Variants in ZBTB38 observed in about 807,000 individuals in gnomAD.
The protein encoded by ZBTB38 is zinc finger and BTB domain-containing protein 38.
A neutral mutation model predicts 76.8 loss-of-function variants in ZBTB38; 20 were observed. The observed-to-expected ratio is 0.26, with a 90% CI of 0.18 to 0.38. ZBTB38 has a LOEUF of 0.38. Among genes scored for constraint, ZBTB38 ranks in the 10% least tolerant of loss-of-function variants. The pLI is 1.00. For synonymous variants in ZBTB38, 504 were observed against 544.2 expected, an observed-to-expected ratio of 0.93 and a Z score of 1.03; for missense variants, 1,082 against 1,482.3, an observed-to-expected ratio of 0.73 and a Z score of 4.43.
rs1577597174 is a variant in ZBTB38, at chr3:141,448,785, A to G, written c.*2809A>G. The G allele has an allele frequency of 6.6e-6, 1 of 152,142 alleles. No individual in the cohort carries two copies. Among genetic ancestry groups the G allele is most frequent in the Non-Finnish European group, 1.5e-5 (1 of 68,006 alleles). 9.4% of individuals were successfully genotyped at this position (152,142 alleles called of 1,614,324 possible). ...GTGAGTCACAGCTTTGTTTCCACGT[A>G]TTATTCAGTTTATTTCTGTTTCCTT... On this transcript the variant is annotated 3_prime_UTR_variant, in exon 6 of 6. Coordinates refer to ENST00000321464, the MANE Select transcript of ZBTB38 (RefSeq NM_001376113.1).
chr3:141,438,085 G>A (rs140195250), intron 5 of ZBTB38, among the ~76,000 whole-genome samples: 61 of 151,344 alleles, frequency 4.0e-4, no homozygotes, highest in East Asian at 2.9e-3. Flanking sequence ...CTGATTGAAC[G>A]CATGTCTTTC....
At position 141,444,462 on chromosome 3, in the gene ZBTB38, C is replaced by T. The variant is rs2080816982; in HGVS notation, c.2074C>T (p.Pro692Ser). 6.2e-7 allele frequency: 1 copy of T among 1,613,956 alleles called. No individual in the cohort carries two copies. Among genetic ancestry groups the T allele is most frequent in the Non-Finnish European group, 8.5e-7 (1 of 1,180,034 alleles). ...TTCTGACCTCCGGGCAGGGGATGTA[C>T]CTGTTTTATCTTTGAGTAATAGCAG... ...VSSDLRAGDV[P>S]VLSLSNSSEN... Residue 692 changes from proline (P) to serine (S), a missense_variant, in exon 6 of 6, where the codon CCT becomes TCT. Pro to Ser is a moderately conservative substitution (Grantham distance 74, BLOSUM62 -1). Coordinates refer to ENST00000321464, the MANE Select transcript of ZBTB38 (RefSeq NM_001376113.1). The surrounding 1 kb of genome is among the most constrained non-coding windows in gnomAD (Gnocchi z 5.1).
intron 4 of ZBTB38, among the ~76,000 whole-genome samples, chr3:141,400,875 G>C (rs1951714226): frequency 6.6e-6 from 1 of 152,210 alleles, no homozygotes; most frequent in Non-Finnish European, 1.5e-5. Context: ...ACAAAGCTGG[G>C]CTTTAAACCC....
At chr3:141,416,959 G>A (rs1367292937) in intron 5 of ZBTB38, among the ~76,000 whole-genome samples, 1 of 152,184 alleles carries the variant, frequency 6.6e-6, no homozygotes, top group Non-Finnish European at 1.5e-5. Context: ...AATTTCTGTT[G>A]TTTTAAGTCA....
chr3:141,336,081 T>C (rs1487230489), intron 1 of ZBTB38, among the ~76,000 whole-genome samples: 1 of 152,176 alleles, frequency 6.6e-6, no homozygotes, highest in Non-Finnish European at 1.5e-5. Flanking sequence ...AGCAGACTAC[T>C]AGCAGACTGA....
At chr3:141,395,214 G>T (rs1374451005) in intron 4 of ZBTB38, among the ~76,000 whole-genome samples, 2 of 152,188 alleles carry the variant, frequency 1.3e-5, no homozygotes, top group Non-Finnish European at 2.9e-5. Flanking sequence ...AGGTAGCTTA[G>T]GCAGGAACAA....
intron 1 of ZBTB38, among the ~76,000 whole-genome samples, chr3:141,344,613 A>T (rs1317153131): frequency 1.3e-5 from 2 of 152,072 alleles, no homozygotes; most frequent in African/African-American, 4.8e-5. Context: ...GGCTCAAGTG[A>T]TCCTCCTGCC....
chr3:141,443,031 G>A lies in ZBTB38; in HGVS notation c.643G>A (p.Val215Ile). The change falls in exon 6 of 6, where the codon GTC becomes ATC. Residue 215 changes from valine to isoleucine, a missense_variant. Physicochemically the swap from Val to Ile is conservative, Grantham distance 29. This residue lies in a region of ZBTB38 where 324 missense variants were observed against 359.1 expected (regional missense o/e 0.90). Coordinates refer to ENST00000321464, the MANE Select transcript of ZBTB38 (RefSeq NM_001376113.1). This position sits in a 1 kb window ranked among gnomAD's most constrained non-coding sequence, Gnocchi z 5.6. ...RTDVCHEAEP[V>I]RTLAEHSYAV... ...GGACGTCTGCCACGAGGCAGAGCCT[G>A]TCCGCACACTTGCCGAGCACTCATA... The A allele has an allele frequency of 6.2e-7, 1 of 1,614,264 alleles. No homozygotes were observed. Among genetic ancestry groups the A allele is most frequent in the Non-Finnish European group, 8.5e-7 (1 of 1,180,046 alleles).
At chr3:141,362,125 A>AGTTAATT (rs1943841202) in intron 1 of ZBTB38, among the ~76,000 whole-genome samples, 7 of 152,290 alleles carry the variant, frequency 4.6e-5, no homozygotes, top group Admixed American at 2.6e-4. Flanking sequence ...TTATACTAGA[A>AGTTAATT]GGTTTTGTGG....
At chr3:141,431,323 CA>C (rs71976494) in intron 5 of ZBTB38, among the ~76,000 whole-genome samples, 8,674 of 101,392 alleles carry the variant, frequency 0.086, 379 homozygotes, top group Non-Finnish European at 0.11. Flanking sequence ...GACTTCGTCT[CA>C]AAAAAAAAAA....
chr3:141,444,204 C>G lies in ZBTB38; in HGVS notation c.1816C>G (p.Gln606Glu). 1 of 1,614,174 alleles carries G rather than the reference C, an allele frequency of 6.2e-7. No homozygotes were observed. The highest frequency in any genetic ancestry group is 8.5e-7 in the Non-Finnish European group (1 of 1,180,034). Residue 606 changes from glutamine (Q) to glutamate (E), a missense_variant, in exon 6 of 6, where the codon CAG becomes GAG. Physicochemically the swap from Gln to Glu is conservative, Grantham distance 29. This residue lies in a region of ZBTB38 where 471 missense variants were observed against 581.0 expected (regional missense o/e 0.81). Coordinates refer to ENST00000321464, the MANE Select transcript of ZBTB38 (RefSeq NM_001376113.1). This position sits in a 1 kb window ranked among gnomAD's most constrained non-coding sequence, Gnocchi z 5.1. ...GTCTGCACCTGGTACCTATGTTGTT[C>G]AGAATCCACACAGCTCTGAATTACC... The part of the protein sequence containing the change: ...NESAPGTYVV[Q>E]NPHSSELPTL...
At chr3:141,365,889 A>G (rs549416458), upstream of ZBTB38, among the ~76,000 whole-genome samples, 6 of 152,346 alleles carry the variant, frequency 3.9e-5, no homozygotes, top group South Asian at 1.0e-3. Context: ...TGTAAATTAT[A>G]CCTTAATAAT....
intron 5 of ZBTB38, among the ~76,000 whole-genome samples, chr3:141,438,529 T>C (rs1432851693): frequency 3.3e-5 from 5 of 152,122 alleles, no homozygotes; most frequent in Non-Finnish European, 7.4e-5. Context: ...GCCCACCCCA[T>C]CCCACTTTAT....
At chr3:141,343,588 T>C (rs1241029043) in intron 1 of ZBTB38, among the ~76,000 whole-genome samples, 1 of 152,176 alleles carries the variant, frequency 6.6e-6, no homozygotes, top group Non-Finnish European at 1.5e-5. Context: ...TGTTTCCTGA[T>C]CTATACCAGC....
upstream of ZBTB38, among the ~76,000 whole-genome samples, chr3:141,365,869 C>A (rs1234858076): frequency 6.6e-6 from 1 of 151,902 alleles, no homozygotes; most frequent in Non-Finnish European, 1.5e-5. Context: ...AGTGAGTGAA[C>A]TTTCTGATAT....
In ZBTB38 at chr3:141,443,622, T is replaced by C. The variant is rs1388213486; in HGVS notation, c.1234T>C (p.Tyr412His). ...AGGAAACCAACGCTTTTTAGAAAAC[T>C]ATCCTACCATTGGACAAAATGGAGG... ...PGGNQRFLEN[Y>H]PTIGQNGGSF... is the part of the protein sequence containing the mutation. The change falls in exon 6 of 6, where the codon TAT becomes CAT. Residue 412 changes from tyrosine (Y) to histidine (H), a missense_variant. Around this residue, in one of 8 missense-constraint regions of ZBTB38, gnomAD observed 324 missense variants for 359.1 expected, o/e 0.90. Transcript: ENST00000321464. The surrounding 1 kb of genome is among the most constrained non-coding windows in gnomAD (Gnocchi z 5.6). The C allele has an allele frequency of 1.9e-6, 3 of 1,614,134 alleles. No homozygotes were observed. Among genetic ancestry groups the C allele is most frequent in the Middle Eastern group, 1.6e-4 (1 of 6,084 alleles).
At chr3:141,337,639 T>C (rs1460023095) in intron 1 of ZBTB38, among the ~76,000 whole-genome samples, 1 of 152,228 alleles carries the variant, frequency 6.6e-6, no homozygotes, top group African/African-American at 2.4e-5. Context: ...TAAATTGTGG[T>C]TCTAAGGAAG....
Position 141,346,754 on chromosome 3 carries a change from C to T in ZBTB38, c.-738-21867C>T, listed in dbSNP as rs114127561. ...GGCTGAAGGCACCCCTGCTGCCTCT[C>T]AAACTCTCCGAGGTTTTTTGTTTTG... On this transcript the variant is annotated intron_variant, in intron 1 of 7. Transcript: ENST00000509842. Among the ~76,000 whole-genome samples the T allele has an allele frequency of 5.8e-3, 855 of 146,858 alleles. 13 individuals are homozygous for T. Among genetic ancestry groups the T allele is most frequent in the African/African-American group, 0.02 (806 of 39,876 alleles).
chr3:141,379,546 G>C (rs978127592), intron 2 of ZBTB38, among the ~76,000 whole-genome samples: 1 of 152,160 alleles, frequency 6.6e-6, no homozygotes, highest in Admixed American at 6.5e-5. Flanking sequence ...CTCATTTCTC[G>C]GGCCTGGCTG....
Sources: gnomAD v4.1 joint callset for allele counts (sites outside exome capture counted in the v4.1 genomes callset) on GRCh38, gnomAD v4.1.1 for gene constraint, gnomAD v4.1.1 regional missense constraint, Gnocchi (gnomAD v3.1) non-coding constraint, MANE v1.5 for transcripts, NCBI Gene and HGNC (gene_info 2026-07-23, HGNC 2026-07-21) for gene names.